Variants in LINC00237 observed in about 807,000 individuals in gnomAD.
The protein encoded by LINC00237 is long intergenic non-protein coding RNA 237.
chr20:21,085,633 C>A (rs1247646215), exon 4 of LINC00237, among the ~76,000 whole-genome samples: 4 of 152,104 alleles, frequency 2.6e-5, no homozygotes, highest in Non-Finnish European at 5.9e-5. Flanking sequence ...TTAACCCACA[C>A]TGCTAGATAG....
intron 1 of LINC00237, among the ~76,000 whole-genome samples, chr20:21,100,783 G>A (rs971431202): frequency 2.6e-5 from 4 of 152,152 alleles, no homozygotes; most frequent in African/African-American, 9.7e-5. Flanking sequence ...ACGCCGGGCG[G>A]TTTCTGCACC....
intron 3 of LINC00237, among the ~76,000 whole-genome samples, chr20:21,086,091 C>T (rs1369735547): frequency 6.6e-6 from 1 of 152,238 alleles, no homozygotes; most frequent in Non-Finnish European, 1.5e-5. Context: ...GCTGCTTAAA[C>T]TTTGTCTCAG....
exon 2 of LINC00237, chr20:21,093,719 T>G (rs1354168097): frequency 6.6e-6 from 1 of 152,254 alleles, no homozygotes; most frequent in African/African-American, 2.4e-5. Flanking sequence ...TCATTCAGAA[T>G]GTCTCCCGGA....
chr20:21,105,395 A>G (rs2030986112), intron 1 of LINC00237, among the ~76,000 whole-genome samples: 1 of 151,204 alleles, frequency 6.6e-6, no homozygotes, highest in Non-Finnish European at 1.5e-5. Context: ...GAGCCATGGA[A>G]TAAGAGGCGA....
intron 1 of LINC00237, among the ~76,000 whole-genome samples, chr20:21,095,939 T>C (rs186376152): frequency 1.3e-5 from 2 of 152,360 alleles, no homozygotes; most frequent in East Asian, 1.9e-4. Flanking sequence ...AGCTCAAGTA[T>C]GTGCTACATC....
intron 2 of LINC00237, chr20:21,092,892 C>T (rs1568885099): frequency 2.0e-5 from 3 of 152,196 alleles, no homozygotes; most frequent in African/African-American, 4.8e-5. Flanking sequence ...ATGTATTACT[C>T]ACAACAACCG....
intron 1 of LINC00237, among the ~76,000 whole-genome samples, chr20:21,097,306 A>T (rs1165363065): frequency 6.6e-6 from 1 of 152,164 alleles, no homozygotes; most frequent in South Asian, 2.1e-4. Context: ...TAACTTTTAC[A>T]TGCTAACCTG....
intron 3 of LINC00237, among the ~76,000 whole-genome samples, chr20:21,085,955 T>C (rs2030686175): frequency 6.6e-6 from 1 of 152,212 alleles, no homozygotes; most frequent in South Asian, 2.1e-4. Flanking sequence ...TCAGCTCCCT[T>C]TAACCCTCAA....
intron 1 of LINC00237, among the ~76,000 whole-genome samples, chr20:21,103,175 A>T (rs887407187): frequency 6.6e-6 from 1 of 152,244 alleles, no homozygotes; most frequent in African/African-American, 2.4e-5. Context: ...GCTGCAAGCA[A>T]TGTGGCAGGG....
intron 2 of LINC00237, among the ~76,000 whole-genome samples, chr20:21,090,781 C>T (rs1221164668): frequency 1.3e-5 from 2 of 152,234 alleles, no homozygotes; most frequent in Middle Eastern, 3.4e-3. Context: ...CCAGGAACAC[C>T]TCATTACACG....
At position 21,089,363 on chromosome 20, in the gene LINC00237, A is replaced by G. The variant is rs565436558; in HGVS notation, n.473-1333T>C. ...CCTTGATGTCTCTAACAAACCAGAG[A>G]CTGCCTGTGAGAATCCTGTATGTCA... On this transcript the variant is annotated intron_variant and non_coding_transcript_variant, in intron 2 of 3. Coordinates refer to ENST00000691244, the Ensembl canonical transcript of LINC00237. Among the ~76,000 whole-genome samples, 6 of 152,050 alleles carry G rather than the reference A, an allele frequency of 3.9e-5. No individual in the cohort carries two copies. In the Middle Eastern group the frequency reaches 0.01, roughly 259 times the overall value.
chr20:21,100,446 T>C (rs989602186), intron 1 of LINC00237, among the ~76,000 whole-genome samples: 1 of 152,262 alleles, frequency 6.6e-6, no homozygotes, highest in Non-Finnish European at 1.5e-5. Flanking sequence ...TTCCGCAAAC[T>C]GCATCGCTAG....
At chr20:21,096,886 C>G (rs1003499810) in intron 1 of LINC00237, among the ~76,000 whole-genome samples, 1 of 152,182 alleles carries the variant, frequency 6.6e-6, no homozygotes, top group Non-Finnish European at 1.5e-5. Flanking sequence ...CACTGCTAGC[C>G]CATGTAGCCC....
At chr20:21,090,072 C>T (rs1267266179) in intron 2 of LINC00237, 2 of 152,200 alleles carry the variant, frequency 1.3e-5, no homozygotes, top group African/African-American at 4.8e-5. Flanking sequence ...CGCTGACAGG[C>T]AATGCTATGT....
chr20:21,087,300 T>C (rs2030726097), intron 3 of LINC00237, among the ~76,000 whole-genome samples: 1 of 152,066 alleles, frequency 6.6e-6, no homozygotes, highest in Admixed American at 6.5e-5. Context: ...CAGATCTCCC[T>C]TCTTCTAATC....
At chr20:21,100,729 T>C (rs1374774475) in intron 1 of LINC00237, among the ~76,000 whole-genome samples, 2 of 152,240 alleles carry the variant, frequency 1.3e-5, no homozygotes, top group East Asian at 3.8e-4. Context: ...CTTTTTCCCC[T>C]GAATTGAGCA....
intron 1 of LINC00237, among the ~76,000 whole-genome samples, chr20:21,103,939 C>T (rs2030965636): frequency 6.6e-6 from 1 of 152,174 alleles, no homozygotes; most frequent in African/African-American, 2.4e-5. Context: ...AGTCACGCAG[C>T]AGACTGACGA....
chr20:21,103,886 T>C (rs1371397042), intron 1 of LINC00237, among the ~76,000 whole-genome samples: 2 of 152,052 alleles, frequency 1.3e-5, no homozygotes, highest in Non-Finnish European at 2.9e-5. Context: ...AGACTAACTG[T>C]TTTTCCTTTC....
intron 1 of LINC00237, among the ~76,000 whole-genome samples, chr20:21,097,830 A>G (rs1721538563): frequency 6.6e-6 from 1 of 152,214 alleles, no homozygotes; most frequent in Admixed American, 6.5e-5. Flanking sequence ...CAAAAAAGCC[A>G]AGCATTTATC....
Sources: allele counts gnomAD v4.1 joint callset (sites outside exome capture counted in the v4.1 genomes callset), GRCh38; gene constraint gnomAD v4.1.1; transcripts MANE v1.5; gene names NCBI Gene and HGNC (gene_info 2026-07-23, HGNC 2026-07-21).